The following TRNT1 variants were observed in gnomAD, a reference collection of about 807,000 sequenced individuals.
The protein encoded by TRNT1 is tRNA nucleotidyl transferase 1, also known as CCA tRNA nucleotidyltransferase 1, mitochondrial.
In TRNT1, 44 loss-of-function variants were observed where a neutral mutation model predicts 45.6. The ratio of observed to expected loss-of-function variants is 0.97; its 90% CI spans 0.76 to 1.24. The LOEUF is 1.24. TRNT1 is among the 50% of genes most tolerant of loss of function. TRNT1 has a pLI of 0.00. For missense variants in TRNT1, 633 were observed against 504.4 expected, an observed-to-expected ratio of 1.25 and a Z score of -2.44; for synonymous variants, 201 against 171.4, an observed-to-expected ratio of 1.17 and a Z score of -1.35.
intron 2 of TRNT1, chr3:3,129,405 C>T (rs781571493): frequency 2.0e-6 from 1 of 492,860 alleles, no homozygotes; most frequent in East Asian, 3.7e-5. Flanking sequence ...CAGGTGTGAG[C>T]CACGGTGCCC....
At chr3:3,131,058 G>A (rs1704988900) in intron 2 of TRNT1, among the ~76,000 whole-genome samples, 1 of 151,800 alleles carries the variant, frequency 6.6e-6, no homozygotes, top group Non-Finnish European at 1.5e-5. Flanking sequence ...TCCAGCCTGG[G>A]CGACACAGAC....
chr3:3,147,942 C>G lies in TRNT1; in HGVS notation c.1093C>G (p.Leu365Val). ...TGATGCAACTACTCGTGTATGTGAA[C>G]TACTGAAGTACCAAGGAGAGCACTG... ...EPDATTRVCE[L>V]LKYQGEHCLL... is the part of the protein sequence containing the mutation. Residue 365 changes from leucine to valine, a missense_variant, in exon 8 of 8, where the codon CTA becomes GTA. Physicochemically the swap from Leu to Val is conservative, Grantham distance 32. Transcript: ENST00000251607. 1 of 1,613,884 alleles carries G rather than the reference C, an allele frequency of 6.2e-7. No homozygotes were observed. The highest frequency in any genetic ancestry group is 8.5e-7 in the Non-Finnish European group (1 of 1,179,858).
At chr3:3,145,863 G>C (rs570235537) in intron 5 of TRNT1, among the ~76,000 whole-genome samples, 2 of 151,936 alleles carry the variant, frequency 1.3e-5, no homozygotes, top group East Asian at 1.9e-4. Flanking sequence ...GAATTCATTA[G>C]AATTTTAAGG....
At position 3,140,648 on chromosome 3, in the gene TRNT1, G is replaced by T; in HGVS notation, c.481G>T (p.Gly161Cys). ...TCTCACTATAAATTCTATGTTTTTA[G>T]GTAATATTTGCAGATAAAACCATAT... ...RDLTINSMFL[G>C]FDGTLFDYFN... is the part of the protein sequence containing the mutation. The change falls in exon 4 of 8, where the codon GGT becomes TGT. Residue 161 changes from glycine to cysteine, a missense_variant and splice_region_variant. Coordinates refer to ENST00000251607, the MANE Select transcript of TRNT1 (RefSeq NM_182916.3). The T allele has an allele frequency of 6.2e-7, 1 of 1,613,462 alleles. No homozygotes were observed. Among genetic ancestry groups the T allele is most frequent in the Non-Finnish European group, 8.5e-7 (1 of 1,179,774 alleles).
chr3:3,130,247 G>T, intron 2 of TRNT1: 2 of 362,646 alleles, frequency 5.5e-6, no homozygotes, highest in Admixed American at 4.4e-5. Context: ...CACATGCTCG[G>T]GTTCTACCTG....
chr3:3,151,788 G>A (rs1003880130), downstream of TRNT1, among the ~76,000 whole-genome samples: 7 of 151,582 alleles, frequency 4.6e-5, no homozygotes, highest in Admixed American at 4.6e-4. Flanking sequence ...TGAGGGAACT[G>A]AACAGGTTCC....
At chr3:3,150,845 T>TAACC (rs397828468), downstream of TRNT1, 1 of 1,607,956 alleles carries the variant, frequency 6.2e-7, no homozygotes, top group Non-Finnish European at 8.5e-7. Flanking sequence ...GTTAGATAAC[T>TAACC]TTATCTCTAT....
chr3:3,133,271 G>C (rs62228605), intron 2 of TRNT1, among the ~76,000 whole-genome samples: 3,171 of 152,188 alleles, frequency 0.021, 100 homozygotes, highest in African/African-American at 0.066. Context: ...TTATTTCCCA[G>C]CTAGCTGTGG....
chr3:3,141,469 C>T (rs1048264280), intron 4 of TRNT1, among the ~76,000 whole-genome samples: 1 of 152,212 alleles, frequency 6.6e-6, no homozygotes, highest in Admixed American at 6.5e-5. Flanking sequence ...GCTGAGCCTA[C>T]ACACAACCTC....
At chr3:3,144,522 C>G in intron 4 of TRNT1, 62 bp from the exon 5 acceptor site, 1 of 1,474,894 alleles carries the variant, frequency 6.8e-7, no homozygotes, top group South Asian at 1.2e-5. Flanking sequence ...AGCTGATTTT[C>G]TTGTGTTTTC....
At chr3:3,134,339 A>G (rs1038925018) in intron 2 of TRNT1, among the ~76,000 whole-genome samples, 3 of 152,180 alleles carry the variant, frequency 2.0e-5, no homozygotes, top group Non-Finnish European at 4.4e-5. Context: ...ATATAGACAA[A>G]TATGCCTTGA....
intron 2 of TRNT1, among the ~76,000 whole-genome samples, chr3:3,135,942 C>T (rs919888537): frequency 6.6e-6 from 1 of 152,072 alleles, no homozygotes; most frequent in African/African-American, 2.4e-5. Flanking sequence ...AGGAGTTGGG[C>T]TTGTATTGGG....
chr3:3,152,651 A>G (rs527718687), downstream of TRNT1: 216 of 1,593,034 alleles, frequency 1.4e-4, no homozygotes, highest in East Asian at 4.4e-3. Context: ...TTAAATGCTT[A>G]GAATTTTATT....
chr3:3,129,241 T>C, intron 2 of TRNT1, 53 bp downstream of exon 2: 1 of 1,484,418 alleles, frequency 6.7e-7, no homozygotes, highest in Non-Finnish European at 9.3e-7. Flanking sequence ...AATGGAGAAG[T>C]AGAGGGTTAA....
At chr3:3,153,401 TA>T, downstream of TRNT1, 1 of 1,310,126 alleles carries the variant, frequency 7.6e-7, no homozygotes, top group African/African-American at 1.4e-5. Context: ...GCAAGTATAT[TA>T]AAAACGTAAT....
Position 3,146,593 on chromosome 3 carries a change from A to G in TRNT1, c.772A>G (p.Ile258Val), listed in dbSNP as rs769964961. The G allele has an allele frequency of 1.2e-6, 2 of 1,613,256 alleles. No individual in the cohort carries two copies. Among genetic ancestry groups the G allele is most frequent in the Non-Finnish European group, 1.7e-6 (2 of 1,179,624 alleles). ...CCATGTAAATCATTTGATTCACCTT[A>G]TCTATGATCTTGATGTGGCTCCTTA... The part of the protein sequence containing the change: ...GNHVNHLIHL[I>V]YDLDVAPYIG... The change falls in exon 6 of 8, where the codon ATC (isoleucine) becomes GTC (valine). Residue 258 changes from isoleucine (I) to valine (V), a missense_variant. By Grantham distance (29) the Ile-to-Val change is conservative. Coordinates refer to ENST00000251607, the MANE Select transcript of TRNT1 (RefSeq NM_182916.3).
chr3:3,135,631 T>G (rs957859155), intron 2 of TRNT1, among the ~76,000 whole-genome samples: 4 of 152,044 alleles, frequency 2.6e-5, no homozygotes, highest in Non-Finnish European at 5.9e-5. Flanking sequence ...CTACAGAGAA[T>G]GGGGCTGAAA....
At chr3:3,150,029 G>GTTTAC (rs1559236483), downstream of TRNT1, 1 of 151,980 alleles carries the variant, frequency 6.6e-6, no homozygotes, top group African/African-American at 2.4e-5. Flanking sequence ...CACACTTAAG[G>GTTTAC]TTTACTTACT....
chr3:3,134,476 A>T (rs1705205820), intron 2 of TRNT1, among the ~76,000 whole-genome samples: 1 of 152,174 alleles, frequency 6.6e-6, no homozygotes, highest in African/African-American at 2.4e-5. Flanking sequence ...ATCTCTTTGT[A>T]ATGCAGTTAG....
Sources: gnomAD v4.1 joint callset for allele counts (sites outside exome capture counted in the v4.1 genomes callset) on GRCh38, gnomAD v4.1.1 for gene constraint, MANE v1.5 for transcripts, NCBI Gene and HGNC (gene_info 2026-07-23, HGNC 2026-07-21) for gene names.